The following CTXND2 variants were observed in gnomAD, a reference collection of about 807,000 sequenced individuals.
CTXND2 encodes the protein cortexin domain containing 2.
chr1:150,900,688 T>G (rs1323297059), intron 1 of CTXND2, among the ~76,000 whole-genome samples: 1 of 151,450 alleles, frequency 6.6e-6, no homozygotes, highest in African/African-American at 2.4e-5. Context: ...AGTGAGAAAA[T>G]ATTTGCAATA....
At chr1:150,893,674 G>C (rs1354556342) in intron 1 of CTXND2, among the ~76,000 whole-genome samples, 1 of 152,080 alleles carries the variant, frequency 6.6e-6, no homozygotes, top group Non-Finnish European at 1.5e-5. Context: ...GCCCCGGCTG[G>C]TCTCAAACTC....
chr1:150,908,512 G>A (rs918950388), intron 1 of CTXND2, among the ~76,000 whole-genome samples: 2 of 152,028 alleles, frequency 1.3e-5, no homozygotes, highest in Non-Finnish European at 1.5e-5. Context: ...GACTAATTAC[G>A]TTGACCATTT....
At chr1:150,911,115 AT>A (rs943086609) in intron 1 of CTXND2, among the ~76,000 whole-genome samples, 234 of 140,848 alleles carry the variant, frequency 1.7e-3, no homozygotes, top group African/African-American at 2.8e-3. Flanking sequence ...TAATTTTTGT[AT>A]TTTTTTTTTT....
intron 1 of CTXND2, among the ~76,000 whole-genome samples, chr1:150,888,751 T>G (rs1362665495): frequency 1.3e-5 from 2 of 151,862 alleles, no homozygotes; most frequent in Non-Finnish European, 2.9e-5. Context: ...AGTGCAGTGG[T>G]GCGATCATGG....
intron 1 of CTXND2, among the ~76,000 whole-genome samples, chr1:150,901,905 G>C (rs953581101): frequency 9.3e-5 from 14 of 151,056 alleles, no homozygotes; most frequent in Non-Finnish European, 1.9e-4. Context: ...CAGCCTGGGC[G>C]ACAGAGTGAG....
chr1:150,903,854 TG>T (rs918604394), intron 1 of CTXND2: 5 of 531,302 alleles, frequency 9.4e-6, no homozygotes, highest in African/African-American at 1.9e-5. Flanking sequence ...GGCTTCAGAG[TG>T]GTAACCTACG....
At position 150,912,375 on chromosome 1, in the gene CTXND2, G is replaced by C. The variant is rs1669269699; in HGVS notation, c.61G>C (p.Val21Leu). 7.5e-6 allele frequency: 3 copies of C among 398,434 alleles called. No homozygotes were observed. The South Asian group carries it at 3.8e-4, about 51-fold the overall frequency. The allele number at this position is 398,434 out of a possible 1,614,324, so 24.7% of individuals were successfully genotyped here. A position where few individuals can be genotyped will look rare whatever the true frequency, so the allele number is the denominator to read the frequency against. The change falls in exon 2 of 2, where the codon GTT (valine) becomes CTT (leucine). Residue 21 changes from valine to leucine, a missense_variant. Val to Leu is a conservative substitution (Grantham distance 32, BLOSUM62 1). Coordinates refer to ENST00000636087, the Ensembl canonical transcript of CTXND2. The stretch of plus-strand genomic sequence containing the variant: ...GGACAAAGGCTTTGCCATTGCCTTT[G>C]TTGTTCTTCTGTTTCTGTTCCTAAT...
chr1:150,891,235 G>T (rs1489236160), intron 1 of CTXND2, among the ~76,000 whole-genome samples: 2 of 150,212 alleles, frequency 1.3e-5, no homozygotes, highest in Non-Finnish European at 3.0e-5. Flanking sequence ...TTTTTTGTGA[G>T]ACGGAGTCTC....
chr1:150,890,373 TAGAC>T (rs1239495527), intron 1 of CTXND2, among the ~76,000 whole-genome samples: 6 of 152,144 alleles, frequency 3.9e-5, no homozygotes, highest in Non-Finnish European at 7.4e-5. Flanking sequence ...CTGAAATAGA[TAGAC>T]AGCCAGGAGA....
At chr1:150,911,859 G>A (rs1669261857) in intron 1 of CTXND2, among the ~76,000 whole-genome samples, 1 of 152,222 alleles carries the variant, frequency 6.6e-6, no homozygotes, top group African/African-American at 2.4e-5. Flanking sequence ...TTCATAGCCA[G>A]TGAGTTATAC....
intron 1 of CTXND2, among the ~76,000 whole-genome samples, chr1:150,905,383 A>G (rs1669122971): frequency 6.6e-6 from 1 of 151,292 alleles, no homozygotes; most frequent in Non-Finnish European, 1.5e-5. Flanking sequence ...ACCTCAGGTG[A>G]TCCCCCCCAA....
intron 1 of CTXND2, among the ~76,000 whole-genome samples, chr1:150,898,849 G>A (rs1280285960): frequency 3.3e-5 from 5 of 150,548 alleles, no homozygotes; most frequent in East Asian, 1.9e-4. Context: ...AAGCCCAGGC[G>A]GGCGGATCAC....
At chr1:150,892,526 T>C (rs1668864084) in intron 1 of CTXND2, among the ~76,000 whole-genome samples, 2 of 108,898 alleles carry the variant, frequency 1.8e-5, no homozygotes, top group South Asian at 2.7e-4. Flanking sequence ...ATTCTTCTTC[T>C]TCTTTTTTTT....
intron 1 of CTXND2, among the ~76,000 whole-genome samples, chr1:150,900,322 T>A (rs953500341): frequency 6.6e-6 from 1 of 150,674 alleles, no homozygotes; most frequent in Non-Finnish European, 1.5e-5. Context: ...GGTCTGCGGC[T>A]TCACTCCTAA....
intron 1 of CTXND2, among the ~76,000 whole-genome samples, chr1:150,904,698 A>G (rs181156946): frequency 2.1e-3 from 313 of 152,332 alleles, no homozygotes; most frequent in Non-Finnish European, 3.1e-3. Context: ...GGCCTTAACT[A>G]TGCCAATCTA....
At chr1:150,900,858 A>G (rs1204760820) in intron 1 of CTXND2, among the ~76,000 whole-genome samples, 3 of 152,224 alleles carry the variant, frequency 2.0e-5, no homozygotes, top group African/African-American at 7.2e-5. Flanking sequence ...GAGACTGGGC[A>G]TGGTGGCTCA....
At chr1:150,899,530 G>T (rs1668964964) in intron 1 of CTXND2, among the ~76,000 whole-genome samples, 1 of 152,042 alleles carries the variant, frequency 6.6e-6, no homozygotes, top group Non-Finnish European at 1.5e-5. Context: ...AAGAACATGG[G>T]TGCATTCTAT....
intron 1 of CTXND2, among the ~76,000 whole-genome samples, chr1:150,898,767 AAAAG>A (rs1287290901): frequency 2.1e-5 from 3 of 146,082 alleles, no homozygotes; most frequent in East Asian, 2.1e-4. Context: ...AAAAAAAAAA[AAAAG>A]AAAGAAAGAA....
chr1:150,911,217 G>T (rs587632924), intron 1 of CTXND2, among the ~76,000 whole-genome samples: 1 of 151,960 alleles, frequency 6.6e-6, no homozygotes, highest in Non-Finnish European at 1.5e-5. Context: ...CAAAGTGCTG[G>T]GATTACAGGC....
Sources: allele counts gnomAD v4.1 joint callset (sites outside exome capture counted in the v4.1 genomes callset), GRCh38; gene constraint gnomAD v4.1.1; transcripts MANE v1.5; gene names NCBI Gene and HGNC (gene_info 2026-07-23, HGNC 2026-07-21).